The following TET2 variants were observed in gnomAD, a reference collection of about 807,000 sequenced individuals.
TET2 encodes tet methylcytosine dioxygenase 2.
TET2 carries 299 observed loss-of-function variants against 142.9 expected under a neutral mutation model. The ratio of observed to expected loss-of-function variants is 2.09; its 90% CI spans 1.90 to 2.30. The LOEUF is 2.30. TET2 is among the 30% of genes most tolerant of loss of function. The pLI is 0.00. For synonymous variants in TET2, 819 were observed against 849.0 expected (o/e 0.96, Z 0.61); for missense variants, 2,418 against 2,378.0 (o/e 1.02, Z -0.35).
At chr4:105,267,539 TAAAA>T (rs35668673) in intron 8 of TET2, among the ~76,000 whole-genome samples, 3 of 127,622 alleles carry the variant, frequency 2.4e-5, no homozygotes, top group African/African-American at 5.5e-5. Context: ...CTTAAACCAC[TAAAA>T]AAAAAAAAAA....
At chr4:105,209,153 G>A (rs72665935) in intron 2 of TET2, among the ~76,000 whole-genome samples, 16,242 of 142,784 alleles carry the variant, frequency 0.11, 1,123 homozygotes, top group Non-Finnish European at 0.15. Context: ...AAATGTCTGC[G>A]TGAAAATTTT....
Position 105,272,726 on chromosome 4 carries a change from T to C in TET2, c.4345T>C (p.Ser1449Pro). ...GAGTGGTGCCATTCAGGTACTGAGT[T>C]CTTTTCGGCGAAAAGTCAGGATGTT... ...KRSGAIQVLSSFRRKVRMLAE... is the reference protein window; with the variant it reads ...KRSGAIQVLSPFRRKVRMLAE... The change falls in exon 10 of 11, where the codon TCT becomes CCT. Residue 1449 changes from serine (S) to proline (P), a missense_variant. Physicochemically the swap from Ser to Pro is moderately conservative, Grantham distance 74 (BLOSUM62 -1). Coordinates refer to ENST00000380013, the MANE Select transcript of TET2 (RefSeq NM_001127208.3). 6.4e-7 allele frequency: 1 copy of C among 1,551,720 alleles called. No homozygotes were observed. The highest frequency in any genetic ancestry group is 8.7e-7 in the Non-Finnish European group (1 of 1,146,988).
At chr4:105,159,251 CTTTTTTTT>C (rs779676545) in intron 1 of TET2, among the ~76,000 whole-genome samples, 2 of 134,588 alleles carry the variant, frequency 1.5e-5, no homozygotes, top group African/African-American at 2.8e-5. Flanking sequence ...TTCTTTCTTT[CTTTTTTTT>C]TTTTTTTTTT....
upstream of TET2, chr4:105,146,671 G>A (rs1423622040): frequency 9.2e-5 from 14 of 152,388 alleles, no homozygotes; most frequent in Admixed American, 7.9e-4. Context: ...CGGAGGAGGA[G>A]AGCCGGCGGT....
intron 2 of TET2, among the ~76,000 whole-genome samples, chr4:105,232,828 G>C (rs965976021): frequency 3.9e-5 from 6 of 152,168 alleles, no homozygotes; most frequent in Admixed American, 3.3e-4. Context: ...GAATCACCTA[G>C]AAAGGGTTTT....
chr4:105,155,651 G>A (rs1723529681), intron 1 of TET2, among the ~76,000 whole-genome samples: 1 of 152,078 alleles, frequency 6.6e-6, no homozygotes, highest in African/African-American at 2.4e-5. Flanking sequence ...GAGAATGCTG[G>A]GTTGCAGCCG....
In TET2 at chr4:105,235,968, CTGTG is replaced by C. The variant is rs2110231198; in HGVS notation, c.2029_2032del (p.Cys677AlafsTer22). On this transcript the variant is annotated frameshift_variant, in exon 3 of 11. Coordinates refer to ENST00000380013, the MANE Select transcript of TET2 (RefSeq NM_001127208.3). LOFTEE classifies it high-confidence loss of function. ...TTTACCAAAAGCTCATGTGCAGTCACTGTGTGGCACTAGATTTCATTTTCAACAA... is the reference window on the plus strand; with the variant it reads ...TTTACCAAAAGCTCATGTGCAGTCACTGGCACTAGATTTCATTTTCAACAA... 6.2e-7 allele frequency: 1 copy of C among 1,614,204 alleles called. No individual in the cohort carries two copies. Among genetic ancestry groups the C allele is most frequent in the Non-Finnish European group, 8.5e-7 (1 of 1,180,032 alleles).
At chr4:105,240,394 C>G in intron 3 of TET2, 1 of 1,070,880 alleles carries the variant, frequency 9.3e-7, no homozygotes, top group Non-Finnish European at 1.1e-6. Context: ...AATATTTTTG[C>G]TGATGGATGT....
In TET2 at chr4:105,184,720, G is replaced by GGTGT. The variant is rs34103341; in HGVS notation, c.-192-5623_-192-5620dup. Among the ~76,000 whole-genome samples the GGTGT allele has an allele frequency of 9.6e-3, 1,452 of 150,770 alleles. 25 individuals are homozygous for GGTGT. Among genetic ancestry groups the GGTGT allele is most frequent in the African/African-American group, 0.033 (1,345 of 41,174 alleles). On this transcript the variant is annotated intron_variant, in intron 1 of 10. Coordinates refer to ENST00000380013, the MANE Select transcript of TET2 (RefSeq NM_001127208.3). ...AGTTGGAATCATTTACTTGCAGAGA[G>GGTGT]GTGTGTGTGTGTGTGTGTGTATTTA...
chr4:105,273,061 T>A, intron 10 of TET2, 143 bp downstream of exon 10: 1 of 666,050 alleles, frequency 1.5e-6, no homozygotes, highest in Non-Finnish European at 2.5e-6. Flanking sequence ...GGTAAACATG[T>A]GCCATGGTGA....
chr4:105,203,675 T>C (rs1308038565), intron 2 of TET2, among the ~76,000 whole-genome samples: 1 of 152,194 alleles, frequency 6.6e-6, no homozygotes, highest in Non-Finnish European at 1.5e-5. Context: ...GAAACACATC[T>C]ACCTAAACTC....
chr4:105,159,599 A>G (rs186206107), intron 1 of TET2, among the ~76,000 whole-genome samples: 21 of 152,280 alleles, frequency 1.4e-4, no homozygotes, highest in African/African-American at 4.6e-4. Context: ...TAGTCATGCC[A>G]AACCATTTTT....
chr4:105,195,597 C>T (rs561492925), intron 2 of TET2, among the ~76,000 whole-genome samples: 56 of 152,144 alleles, frequency 3.7e-4, no homozygotes, highest in African/African-American at 1.1e-3. Flanking sequence ...AATCATCTCT[C>T]GATTATTTAT....
intron 9 of TET2, among the ~76,000 whole-genome samples, chr4:105,270,544 ATTG>A (rs990101942): frequency 6.6e-6 from 1 of 152,148 alleles, no homozygotes; most frequent in African/African-American, 2.4e-5. Flanking sequence ...ACACATCATC[ATTG>A]TCACAGTAAC....
intron 3 of TET2, chr4:105,237,608 G>T: frequency 7.1e-7 from 1 of 1,409,102 alleles, no homozygotes. Context: ...TTCAGATCCT[G>T]TAAAATTTGA....
At chr4:105,250,558 G>C (rs2110269119) in intron 6 of TET2, among the ~76,000 whole-genome samples, 1 of 151,680 alleles carries the variant, frequency 6.6e-6, no homozygotes, top group South Asian at 2.1e-4. Flanking sequence ...CTGGGGTTCT[G>C]TTGAATCTGT....
In TET2 at chr4:105,234,165, A is replaced by G; in HGVS notation, c.223A>G (p.Ser75Gly). 6.2e-7 allele frequency: 1 copy of G among 1,614,198 alleles called. No homozygotes were observed. The change falls in exon 3 of 11, where the codon AGT (serine) becomes GGT (glycine). Residue 75 changes from serine (S) to glycine (G), a missense_variant. Transcript: ENST00000380013. ...GAAGGGAAGCCAGAATAGTCGTGTGAGTCCTGACTTTACACAAGAAAGTAG... is the reference window on the plus strand; with the variant it reads ...GAAGGGAAGCCAGAATAGTCGTGTGGGTCCTGACTTTACACAAGAAAGTAG... ...CMKGSQNSRV[S>G]PDFTQESRGY...
chr4:105,233,833 TATAGATAGATAG>T (rs58201766), intron 2 of TET2, 52 bp from the exon 3 acceptor site: 18 of 796,002 alleles, frequency 2.3e-5, no homozygotes, highest in Non-Finnish European at 3.4e-5. Flanking sequence ...TTAGTATTTT[TATAGATAGATAG>T]ATAGATAGAT....
At chr4:105,224,684 G>GTCTTTC in intron 2 of TET2, among the ~76,000 whole-genome samples, 1 of 108,150 alleles carries the variant, frequency 9.2e-6, no homozygotes, top group Middle Eastern at 5.8e-3. Flanking sequence ...ATATCAGCCA[G>GTCTTTC]TCTCTCTCTC....
Sources: allele counts gnomAD v4.1 joint callset (sites outside exome capture counted in the v4.1 genomes callset), GRCh38; gene constraint gnomAD v4.1.1; transcripts MANE v1.5; gene names NCBI Gene and HGNC (gene_info 2026-07-23, HGNC 2026-07-21).